The following AR variants were observed in gnomAD, a reference collection of about 807,000 sequenced individuals.
The protein encoded by AR is dihydrotestosterone receptor.
A neutral mutation model predicts 53.9 loss-of-function variants in AR; 8 were observed. That is an observed-to-expected ratio of 0.15 (90% CI 0.09 to 0.27). The LOEUF is 0.27. Among genes scored for constraint, AR ranks in the 10% least tolerant of loss-of-function variants. The probability of loss-of-function intolerance (pLI) is 1.00; values close to 1 mark genes in which losing one functional copy is unlikely to be tolerated. For synonymous variants in AR, 359 were observed against 316.4 expected (o/e 1.13, Z -1.43); for missense variants, 639 against 742.5 (o/e 0.86, Z 1.62).
At chrX:67,682,131 C>G (rs1177726285) in intron 2 of AR, among the ~76,000 whole-genome samples, 3 of 111,525 alleles carry the variant, frequency 2.7e-5, no homozygotes, top group African/African-American at 9.8e-5. Flanking sequence ...ATTCAATGAC[C>G]AGGAATGAGA....
chrX:67,631,259 C>T (rs375185284), intron 1 of AR, among the ~76,000 whole-genome samples: 5 of 111,616 alleles, frequency 4.5e-5, no homozygotes, highest in African/African-American at 1.3e-4. Flanking sequence ...CCATTCTCCC[C>T]GTCACTTTCA....
rs1261863220 is a variant in AR, at chrX:67,726,769, G to C, written c.*2928G>C. ...TTTTCTTTTGGCCATTGATGTTCTA[G>C]CCAATGTAATTGACAGAAGTCTCAT... On this transcript the variant is annotated 3_prime_UTR_variant, in exon 8 of 8. Coordinates refer to ENST00000374690, the MANE Select transcript of AR (RefSeq NM_000044.6). 1 of 173,141 alleles carries C rather than the reference G, an allele frequency of 5.8e-6. No homozygotes were observed. Among genetic ancestry groups the C allele is most frequent in the Non-Finnish European group, 1.1e-5 (1 of 91,047 alleles). The allele number at this position is 173,141 out of a possible 1,213,427, so 14.3% of individuals were successfully genotyped here.
At chrX:67,601,461 C>A (rs754164535) in intron 1 of AR, among the ~76,000 whole-genome samples, 1 of 111,497 alleles carries the variant, frequency 9.0e-6, no homozygotes, top group East Asian at 2.8e-4. Flanking sequence ...TCTTAAATGC[C>A]GTGTTCATAG....
chrX:67,648,617 T>G (rs1926174220), intron 2 of AR, among the ~76,000 whole-genome samples: 1 of 112,125 alleles, frequency 8.9e-6, no homozygotes, highest in Admixed American at 9.5e-5. Context: ...TCATTGAAGT[T>G]GGTGCCCACC....
chrX:67,607,814 A>G (rs969055509), intron 1 of AR, among the ~76,000 whole-genome samples: 3 of 112,067 alleles, frequency 2.7e-5, no homozygotes, highest in Non-Finnish European at 5.6e-5. Flanking sequence ...CACATGTAAC[A>G]GAATCATATG....
chrX:67,574,995 A>G (rs1040334886), intron 1 of AR, among the ~76,000 whole-genome samples: 19 of 111,566 alleles, frequency 1.7e-4, no homozygotes, highest in African/African-American at 6.2e-4. Context: ...ATGACTTCTA[A>G]CTAGTGATAT....
chrX:67,549,343 G>A (rs1307109792), intron 1 of AR, among the ~76,000 whole-genome samples: 2 of 111,631 alleles, frequency 1.8e-5, no homozygotes, highest in Admixed American at 9.5e-5. Flanking sequence ...GTGTGTTTAT[G>A]TACATAATTT....
chrX:67,632,748 C>G (rs917195890), intron 1 of AR, among the ~76,000 whole-genome samples: 14 of 112,185 alleles, frequency 1.2e-4, no homozygotes, highest in Non-Finnish European at 2.6e-4. Flanking sequence ...AAATCTCACC[C>G]ACAGAATGAG....
chrX:67,632,484 C>T (rs986884993), intron 1 of AR, among the ~76,000 whole-genome samples: 1 of 112,369 alleles, frequency 8.9e-6, no homozygotes, highest in Non-Finnish European at 1.9e-5. Flanking sequence ...GGCAATGCCT[C>T]GCCCTGCTTC....
chrX:67,599,334 T>C (rs1255619007), intron 1 of AR, among the ~76,000 whole-genome samples: 2 of 112,074 alleles, frequency 1.8e-5, no homozygotes, highest in African/African-American at 6.5e-5. Flanking sequence ...AATAGATTCA[T>C]GGCGTAGTGA....
At chrX:67,702,566 G>C (rs770021047) in intron 3 of AR, among the ~76,000 whole-genome samples, 39 of 111,986 alleles carry the variant, frequency 3.5e-4, no homozygotes, top group Non-Finnish European at 1.3e-4. Context: ...CCGCAGAAAT[G>C]ATTGTTGGAC....
intron 1 of AR, among the ~76,000 whole-genome samples, chrX:67,626,393 G>A (rs1203819165): frequency 2.9e-5 from 3 of 102,683 alleles, no homozygotes; most frequent in Admixed American, 2.2e-4. Context: ...ATAACATAAC[G>A]AACTCTAGTT....
rs1203419889 is a variant in AR, at chrX:67,545,065, T to G, written c.-82T>G. 6.3e-6 allele frequency: 7 copies of G among 1,106,226 alleles called. No individual in the cohort carries two copies. The East Asian group carries it at 2.2e-4, about 35-fold the overall frequency. The allele number at this position is 1,106,226 out of a possible 1,213,427, so 91.2% of individuals were successfully genotyped here. Reference sequence around the variant, plus strand: ...GCTAGCTGCAGCGACTACCGCATCATCACAGCCTGTTGAACTCTTCTGAGC... The same window carrying G: ...GCTAGCTGCAGCGACTACCGCATCAGCACAGCCTGTTGAACTCTTCTGAGC... On this transcript the variant is annotated 5_prime_UTR_variant, in exon 1 of 8. Coordinates refer to ENST00000374690, the MANE Select transcript of AR (RefSeq NM_000044.6).
At chrX:67,615,262 G>A (rs1308878760) in intron 1 of AR, among the ~76,000 whole-genome samples, 3 of 110,652 alleles carry the variant, frequency 2.7e-5, no homozygotes, top group Admixed American at 9.6e-5. Flanking sequence ...AAAATGTAAC[G>A]ATATTGATAC....
chrX:67,552,884 G>A (rs1435405196), intron 1 of AR, among the ~76,000 whole-genome samples: 2 of 111,525 alleles, frequency 1.8e-5, no homozygotes, highest in African/African-American at 3.3e-5. Flanking sequence ...TTTTAGTTGG[G>A]TTTTTTATTA....
At chrX:67,664,058 C>A (rs984821479) in intron 2 of AR, among the ~76,000 whole-genome samples, 2 of 111,375 alleles carry the variant, frequency 1.8e-5, no homozygotes, top group Non-Finnish European at 3.8e-5. Context: ...CTTTGCCATG[C>A]GTTCGAACTT....
chrX:67,659,820 T>G (rs1466408214), intron 2 of AR, among the ~76,000 whole-genome samples: 27 of 111,789 alleles, frequency 2.4e-4, no homozygotes, highest in Admixed American at 2.4e-3. Flanking sequence ...TTCAACTAGT[T>G]TACAGTCCCA....
chrX:67,663,315 G>C (rs1288993922), intron 2 of AR, among the ~76,000 whole-genome samples: 4 of 112,065 alleles, frequency 3.6e-5, no homozygotes, highest in African/African-American at 1.3e-4. Flanking sequence ...TGCAGTGCAG[G>C]CCTGGTGGTG....
At chrX:67,620,696 CTG>C (rs1248825289) in intron 1 of AR, among the ~76,000 whole-genome samples, 1 of 111,600 alleles carries the variant, frequency 9.0e-6, no homozygotes, top group Non-Finnish European at 1.9e-5. Flanking sequence ...TCTTTTGACA[CTG>C]TAACTAATGA....
Sources: gnomAD v4.1 joint callset for allele counts (sites outside exome capture counted in the v4.1 genomes callset) on GRCh38, gnomAD v4.1.1 for gene constraint, MANE v1.5 for transcripts, NCBI Gene and HGNC (gene_info 2026-07-23, HGNC 2026-07-21) for gene names.